The following PDE1C variants were observed in gnomAD, a reference collection of about 807,000 sequenced individuals.
PDE1C encodes the protein dual specificity calcium/calmodulin-dependent 3',5'-cyclic nucleotide phosphodiesterase 1C.
PDE1C carries 62 observed loss-of-function variants against 93.1 expected under a neutral mutation model. The ratio of observed to expected loss-of-function variants is 0.67; its 90% CI spans 0.54 to 0.82. The LOEUF is 0.82. Among genes scored for constraint, PDE1C ranks in the 40% least tolerant of loss-of-function variants. The pLI, the probability that PDE1C is intolerant of heterozygous loss-of-function variation, is 0.00. For missense variants in PDE1C, 742 were observed against 884.6 expected, an observed-to-expected ratio of 0.84 and a Z score of 2.04; for synonymous variants, 325 against 310.1, an observed-to-expected ratio of 1.05 and a Z score of -0.50.
At chr7:32,029,079 G>A (rs768117614) in intron 2 of PDE1C, among the ~76,000 whole-genome samples, 14 of 152,064 alleles carry the variant, frequency 9.2e-5, no homozygotes, top group Non-Finnish European at 2.1e-4. Flanking sequence ...AAATGGGCAA[G>A]GGACCTAAAT....
chr7:32,231,956 T>TACAC lies in PDE1C; in HGVS notation c.86-22418_86-22417insGTGT, dbSNP rs1491530109. ...CGTGATTAAAACAAATAAATATGTG[T>TACAC]ATACACACACACACACACACACACA... On this transcript the variant is annotated intron_variant, in intron 1 of 18. Transcript: ENST00000396193. 5.0e-3 allele frequency among the ~76,000 whole-genome samples: 640 copies of TACAC among 126,850 alleles called. 11 individuals carry two copies. Among genetic ancestry groups the TACAC allele is most frequent in the East Asian group, 0.031 (142 of 4,522 alleles). 83.2% of individuals were successfully genotyped at this position (126,850 alleles called of 152,430 possible). A position where few individuals can be genotyped will look rare whatever the true frequency, so the allele number is the denominator to read the frequency against.
At chr7:31,758,967 A>G (rs1320723812) in intron 17 of PDE1C, among the ~76,000 whole-genome samples, 2 of 152,214 alleles carry the variant, frequency 1.3e-5, no homozygotes, top group African/African-American at 4.8e-5. Flanking sequence ...ACTTCTCAGC[A>G]TGAAGAAACA....
intron 1 of PDE1C, among the ~76,000 whole-genome samples, chr7:32,411,500 G>A (rs986632446): frequency 6.6e-6 from 1 of 152,118 alleles, no homozygotes; most frequent in African/African-American, 2.4e-5. Flanking sequence ...GTACAAATGT[G>A]GTATAAAAGA....
At chr7:31,718,557 G>C in the PDE1C span, among the ~76,000 whole-genome samples, 2 of 152,222 alleles carry the variant, frequency 1.3e-5, no homozygotes, top group Non-Finnish European at 2.9e-5. Context: ...AAGGAGGTCA[G>C]AGTCTCCAGG....
chr7:31,808,831 G>C lies in PDE1C; in HGVS notation c.1891+200C>G, dbSNP rs145894581. On this transcript the variant is annotated intron_variant, in intron 16 of 17. Coordinates refer to ENST00000396191, the MANE Select transcript of PDE1C (RefSeq NM_001191057.4). ...AGAAAACATTTGTGATGGAGAAAGT[G>C]GGGTGAAGGGGAAGAGATACAGCAA... Among the ~76,000 whole-genome samples, 787 of 151,980 alleles carry C rather than the reference G, an allele frequency of 5.2e-3. 10 individuals are homozygous for C. Among genetic ancestry groups the C allele is most frequent in the African/African-American group, 0.018 (750 of 41,502 alleles).
At chr7:31,857,585 T>C (rs186589276) in intron 7 of PDE1C, among the ~76,000 whole-genome samples, 1 of 152,252 alleles carries the variant, frequency 6.6e-6, no homozygotes, top group African/African-American at 2.4e-5. Flanking sequence ...CTGAGAAGAC[T>C]GTTGCTGATG....
At chr7:32,194,462 T>C (rs1804468728) in intron 2 of PDE1C, among the ~76,000 whole-genome samples, 1 of 152,234 alleles carries the variant, frequency 6.6e-6, no homozygotes, top group Admixed American at 6.5e-5. Flanking sequence ...CTACTTTACA[T>C]ATTTTCCAAC....
chr7:32,114,185 CA>C (rs1798849920), intron 3 of PDE1C, among the ~76,000 whole-genome samples: 1 of 152,112 alleles, frequency 6.6e-6, no homozygotes, highest in Non-Finnish European at 1.5e-5. Flanking sequence ...GCAAACAGAA[CA>C]AAGCAGGAGG....
chr7:31,909,125 G>T (rs1441336458), intron 2 of PDE1C, among the ~76,000 whole-genome samples: 1 of 151,940 alleles, frequency 6.6e-6, no homozygotes, highest in Non-Finnish European at 1.5e-5. Flanking sequence ...TCTACTTTCT[G>T]GTTGAACTCC....
chr7:31,789,905 CCAGA>C (rs1200462435), intron 16 of PDE1C: 5 of 1,112,164 alleles, frequency 4.5e-6, no homozygotes, highest in South Asian at 3.6e-5. Context: ...TCTCATCAGG[CCAGA>C]CAGATGCCTT....
At chr7:31,808,243 T>C (rs779542867) in intron 16 of PDE1C, 1 of 440,596 alleles carries the variant, frequency 2.3e-6, no homozygotes, top group Non-Finnish European at 4.3e-6. Flanking sequence ...CAGGGAGGTA[T>C]GATTTAGAGA....
chr7:31,925,834 T>A (rs944797679), intron 2 of PDE1C, among the ~76,000 whole-genome samples: 2 of 152,218 alleles, frequency 1.3e-5, no homozygotes, highest in Non-Finnish European at 2.9e-5. Context: ...ACTATGAATT[T>A]TCCAATAAAA....
chr7:31,853,168 A>T (rs1562923300), intron 7 of PDE1C, among the ~76,000 whole-genome samples: 1 of 152,132 alleles, frequency 6.6e-6, no homozygotes, highest in South Asian at 2.1e-4. Flanking sequence ...CTTAGATATA[A>T]CCTACTTCTA....
At chr7:32,231,794 T>C (rs1459975460) in intron 1 of PDE1C, among the ~76,000 whole-genome samples, 1 of 152,198 alleles carries the variant, frequency 6.6e-6, no homozygotes. Flanking sequence ...ATTACGCTTG[T>C]CACAGAAGTG....
intron 1 of PDE1C, among the ~76,000 whole-genome samples, chr7:32,225,812 C>T (rs969437888): frequency 2.0e-5 from 3 of 152,320 alleles, no homozygotes; most frequent in African/African-American, 7.2e-5. Flanking sequence ...GTAATCCCAA[C>T]ACTTTTGGAG....
intron 9 of PDE1C, among the ~76,000 whole-genome samples, chr7:31,846,233 C>CTTTTT (rs371624212): frequency 7.7e-6 from 1 of 129,964 alleles, no homozygotes; most frequent in Non-Finnish European, 1.6e-5. Flanking sequence ...CTTTTTTTTT[C>CTTTTT]TTTTTTTTTT....
At chr7:32,084,684 C>G (rs963045465) in intron 3 of PDE1C, among the ~76,000 whole-genome samples, 17 of 146,320 alleles carry the variant, frequency 1.2e-4, no homozygotes, top group African/African-American at 4.2e-4. Context: ...AACTAGAACT[C>G]AGGATTAAGA....
At chr7:32,405,774 C>T (rs1785040049) in intron 1 of PDE1C, among the ~76,000 whole-genome samples, 1 of 152,170 alleles carries the variant, frequency 6.6e-6, no homozygotes, top group Non-Finnish European at 1.5e-5. Flanking sequence ...CCCTTAACTT[C>T]CTGCAAGCTC....
intron 16 of PDE1C, among the ~76,000 whole-genome samples, chr7:31,791,712 T>C (rs1454765051): frequency 1.3e-5 from 2 of 152,076 alleles, no homozygotes; most frequent in Admixed American, 1.3e-4. Flanking sequence ...GACAGATAGC[T>C]GGGGACAGCT....
Sources: allele counts gnomAD v4.1 joint callset (sites outside exome capture counted in the v4.1 genomes callset), GRCh38; gene constraint gnomAD v4.1.1; transcripts MANE v1.5; gene names NCBI Gene and HGNC (gene_info 2026-07-23, HGNC 2026-07-21).